Variants in CCNDBP1 observed in about 807,000 individuals in gnomAD.
CCNDBP1 encodes cyclin D1 binding protein 1.
CCNDBP1 carries 45 observed loss-of-function variants against 46.2 expected under a neutral mutation model. The observed-to-expected ratio is 0.97, with a 90% CI of 0.77 to 1.25. CCNDBP1 has a LOEUF of 1.25. Among genes scored for constraint, CCNDBP1 ranks in the 50% most tolerant of loss-of-function variants. The pLI, the probability that CCNDBP1 is intolerant of heterozygous loss-of-function variation, is 0.00. For synonymous variants in CCNDBP1, 154 were observed against 163.6 expected (o/e 0.94, Z 0.45); for missense variants, 436 against 442.1 (o/e 0.99, Z 0.12).
At chr15:43,194,054 T>C in intron 9 of CCNDBP1, 1 of 335,018 alleles carries the variant, frequency 3.0e-6, no homozygotes, top group Non-Finnish European at 5.6e-6. Flanking sequence ...CGCTTTTTTT[T>C]TTTTTTTTTT....
rs553580443 is a variant in CCNDBP1 at position 43,194,926 on chromosome 15, T to A, written c.*85T>A. The stretch of plus-strand genomic sequence containing the variant: ...TGCTTTTAAAATGGAGCTAGAATGC[T>A]TGCTGGATTGAAAGGGAGTGCCTAT... On this transcript the variant is annotated 3_prime_UTR_variant, in exon 11 of 11. Transcript: ENST00000300213. 3.0e-5 allele frequency: 25 copies of A among 832,336 alleles called. No homozygotes were observed. The African/African-American group carries it at 3.8e-4, about 13-fold the overall frequency. The allele number at this position is 832,336 out of a possible 1,614,324, so 51.6% of individuals were successfully genotyped here.
At chr15:43,192,157 A>G (rs551590532) in intron 8 of CCNDBP1, among the ~76,000 whole-genome samples, 19 of 152,340 alleles carry the variant, frequency 1.2e-4, no homozygotes, top group African/African-American at 4.6e-4. Flanking sequence ...CTTGAAATCT[A>G]GAACAGTTCC....
Position 43,191,607 on chromosome 15 carries a change from G to A in CCNDBP1, c.792G>A (p.Glu264=), listed in dbSNP as rs1247247765. 2 of 1,613,404 alleles carry A rather than the reference G, an allele frequency of 1.2e-6. No individual in the cohort carries two copies. The highest frequency in any genetic ancestry group is 1.7e-6 in the Non-Finnish European group (2 of 1,180,020). The change falls in exon 8 of 11, where the codon GAG becomes GAA. Residue 264 remains glutamate, a synonymous_variant. Transcript: ENST00000300213. The part of the protein sequence containing the change: ...CLKKIRMLVA[E]NGKKDQVAQL... Reference sequence around the variant, plus strand: ...AGAAAATTCGGATGTTAGTGGCAGAGAATGGGAAGAAGGATCAGGTGGCAC... The same window carrying A: ...AGAAAATTCGGATGTTAGTGGCAGAAAATGGGAAGAAGGATCAGGTGGCAC...
Position 43,185,468 on chromosome 15 carries a change from C to A in CCNDBP1, c.-31C>A, listed in dbSNP as rs761199562. On this transcript the variant is annotated 5_prime_UTR_variant, in exon 1 of 11. The change creates a new upstream start codon in the 5' untranslated region. Transcript: ENST00000300213. Reference sequence around the variant, plus strand: ...CGGCTCCGGCAGTGGCAGCGGAGGCCTGTGTTTGCGGCCTTCGGCAAGCGA... The same window carrying A: ...CGGCTCCGGCAGTGGCAGCGGAGGCATGTGTTTGCGGCCTTCGGCAAGCGA... 1 of 1,524,124 alleles carries A rather than the reference C, an allele frequency of 6.6e-7. No individual in the cohort carries two copies. Among genetic ancestry groups the A allele is most frequent in the Non-Finnish European group, 8.9e-7 (1 of 1,126,400 alleles). The allele number at this position is 1,524,124 out of a possible 1,614,324, so 94.4% of individuals were successfully genotyped here. A position where few individuals can be genotyped will look rare whatever the true frequency, so the allele number is the denominator to read the frequency against.
intron 3 of CCNDBP1, 94 bp from the exon 4 acceptor site, chr15:43,189,105 G>GAAAGAAAAAAAAAAAAAAAAA: frequency 4.2e-6 from 1 of 237,158 alleles, no homozygotes; most frequent in Non-Finnish European, 7.7e-6. Context: ...AAAAAAAAAA[G>GAAAGAAAAAAAAAAAAAAAAA]AAAAAGAAAG....
At chr15:43,190,276 A>G in intron 5 of CCNDBP1, 49 bp from the exon 6 acceptor site, 1 of 1,602,512 alleles carries the variant, frequency 6.2e-7, no homozygotes, top group Non-Finnish European at 8.5e-7. Flanking sequence ...GCTTTTTAGG[A>G]GACAGGAACC....
At chr15:43,189,347 CT>C in intron 4 of CCNDBP1, 67 bp downstream of exon 4, 2 of 942,302 alleles carry the variant, frequency 2.1e-6, no homozygotes, top group Non-Finnish European at 3.2e-6. Flanking sequence ...TGTCTTGTGA[CT>C]TTTACCTTTA....
At chr15:43,187,602 A>G (rs1250506405) in intron 3 of CCNDBP1, among the ~76,000 whole-genome samples, 1 of 152,104 alleles carries the variant, frequency 6.6e-6, no homozygotes, top group African/African-American at 2.4e-5. Context: ...GAAACAAGAG[A>G]TGAATTGTAT....
chr15:43,189,932 A>G, intron 4 of CCNDBP1, 123 bp from the exon 5 acceptor site: 1 of 746,148 alleles, frequency 1.3e-6, no homozygotes, highest in Non-Finnish European at 2.2e-6. Flanking sequence ...GTTTTGTGTT[A>G]GCATGTAGGT....
intron 2 of CCNDBP1, 36 bp from the exon 3 acceptor site, chr15:43,186,118 G>A (rs774605187): frequency 3.8e-6 from 6 of 1,582,606 alleles, no homozygotes; most frequent in Non-Finnish European, 5.2e-6. Flanking sequence ...CAGCACTAAC[G>A]TATTGGCACC....
intron 1 of CCNDBP1, 54 bp from the exon 2 acceptor site, chr15:43,185,766 T>G: frequency 1.9e-6 from 3 of 1,578,696 alleles, no homozygotes; most frequent in Non-Finnish European, 2.6e-6. Flanking sequence ...TGGCTCCGCT[T>G]ACCTCAGCTT....
In CCNDBP1 at chr15:43,191,576, G is replaced by T. The variant is rs771975128; in HGVS notation, c.761G>T (p.Cys254Phe). ...CLALVRASKA[C>F]LKKIRMLVAE... ...GCGCTGGTGAGAGCATCCAAAGCCT[G>T]CCTGAAGAAAATTCGGATGTTAGTG... is the stretch of plus-strand genomic sequence containing the variant. Residue 254 changes from cysteine to phenylalanine, a missense_variant, in exon 8 of 11, where the codon TGC (cysteine) becomes TTC (phenylalanine). Cys to Phe is a radical substitution (Grantham distance 205, BLOSUM62 -2). Coordinates refer to ENST00000300213, the MANE Select transcript of CCNDBP1 (RefSeq NM_012142.5). The T allele has an allele frequency of 1.2e-6, 2 of 1,614,026 alleles. No homozygotes were observed. Among genetic ancestry groups the T allele is most frequent in the South Asian group, 2.2e-5 (2 of 91,074 alleles).
At chr15:43,191,824 A>G in intron 8 of CCNDBP1, 149 bp downstream of exon 8, 1 of 781,450 alleles carries the variant, frequency 1.3e-6, no homozygotes, top group East Asian at 2.7e-5. Flanking sequence ...GAACACCCCT[A>G]TATCCTTCTA....
Position 43,190,941 on chromosome 15 carries a change from A to G in CCNDBP1, c.503-25A>G, listed in dbSNP as rs374422093. ...ATTGTTGGATTTCTCCTCTAATTCTAGTGCTTCTGATTTTTCACTCATAGA... is the reference window on the plus strand; with the variant it reads ...ATTGTTGGATTTCTCCTCTAATTCTGGTGCTTCTGATTTTTCACTCATAGA... On this transcript the variant is annotated intron_variant, in intron 6 of 10. Transcript: ENST00000300213. 4.0e-5 allele frequency: 64 copies of G among 1,580,876 alleles called. No individual in the cohort carries two copies. The African/African-American group carries it at 6.5e-4, about 16-fold the overall frequency.
rs149102527 is a variant in CCNDBP1, at chr15:43,191,501, A to G, written c.686A>G (p.Gln229Arg). ...EDDVLGFPSN[Q>R]DLYWSEDDQE... The stretch of plus-strand genomic sequence containing the variant: ...GATGTGTTGGGGTTTCCCAGCAATC[A>G]GGACTTGTATTGGTCAGAGGACGAT... The change falls in exon 8 of 11, where the codon CAG (glutamine) becomes CGG (arginine). Residue 229 changes from glutamine (Q) to arginine (R), a missense_variant. Physicochemically the swap from Gln to Arg is conservative, Grantham distance 43. Coordinates refer to ENST00000300213, the MANE Select transcript of CCNDBP1 (RefSeq NM_012142.5). 5.0e-5 allele frequency: 81 copies of G among 1,614,038 alleles called. No individual in the cohort carries two copies. The highest frequency in any genetic ancestry group is 6.8e-5 in the Non-Finnish European group (80 of 1,180,030).
At position 43,189,101 on chromosome 15, in the gene CCNDBP1, A is replaced by AAAAAAAAAAAAAAAAAAAAAAAAG. The variant is rs756151109; in HGVS notation, c.250-95_250-94insAAAAAAAAAAAAAAAAAAAAGAAA. On this transcript the variant is annotated intron_variant, in intron 3 of 10. Coordinates refer to ENST00000300213, the MANE Select transcript of CCNDBP1 (RefSeq NM_012142.5). ...TCAAAAAAAAAAAAAAAAAAAAAAA[A>AAAAAAAAAAAAAAAAAAAAAAAAG]AAAGAAAAAGAAAGAAAAGAAAAAG... 3.8e-5 allele frequency: 6 copies of AAAAAAAAAAAAAAAAAAAAAAAAG among 159,516 alleles called. 1 individual carries two copies. Among genetic ancestry groups the AAAAAAAAAAAAAAAAAAAAAAAAG allele is most frequent in the Non-Finnish European group, 5.8e-5 (5 of 85,980 alleles). The allele number at this position is 159,516 out of a possible 1,614,324, so 9.9% of individuals were successfully genotyped here. A position where few individuals can be genotyped will look rare whatever the true frequency, so the allele number is the denominator to read the frequency against.
Position 43,189,264 on chromosome 15 carries a change from G to T in CCNDBP1, c.315G>T (p.Leu105Phe), listed in dbSNP as rs2041910462. 6.2e-7 allele frequency: 1 copy of T among 1,605,946 alleles called. No individual in the cohort carries two copies. Among genetic ancestry groups the T allele is most frequent in the Non-Finnish European group, 8.5e-7 (1 of 1,174,006 alleles). Residue 105 changes from leucine to phenylalanine, a missense_variant, in exon 4 of 11, where the codon TTG (leucine) becomes TTT (phenylalanine). By Grantham distance (22) the Leu-to-Phe change is conservative (BLOSUM62 0). Transcript: ENST00000300213. ...AGGCATTTATTGCAGTGTACTATTTGCTTCCAAAGGATCAGGGTAAGCCAC... is the reference window on the plus strand; with the variant it reads ...AGGCATTTATTGCAGTGTACTATTTTCTTCCAAAGGATCAGGGTAAGCCAC... The part of the protein sequence containing the change: ...AIKAFIAVYY[L>F]LPKDQGITLR...
rs1308530223 is a variant in CCNDBP1, at chr15:43,186,156, G to A, written c.172G>A (p.Glu58Lys). 1.2e-6 allele frequency: 2 copies of A among 1,614,042 alleles called. No individual in the cohort carries two copies. The highest frequency in any genetic ancestry group is 1.7e-5 in the Admixed American group (1 of 60,022). ...NREMFWRRLN[E>K]AAVTVSREAT... ...CCTCCTCTTCGGCCACCCCCCAGAT[G>A]AGGCAGCTGTGACTGTGTCAAGGGA... Residue 58 changes from glutamate (E) to lysine (K), a missense_variant and splice_region_variant, in exon 3 of 11, where the codon GAG (glutamate) becomes AAG (lysine). By Grantham distance (56) the Glu-to-Lys change is moderately conservative. Transcript: ENST00000300213.
At chr15:43,189,952 TG>T in intron 4 of CCNDBP1, 102 bp from the exon 5 acceptor site, 1 of 913,838 alleles carries the variant, frequency 1.1e-6, no homozygotes, top group Non-Finnish European at 1.7e-6. Context: ...TTAAAGCATG[TG>T]GGTGTACATT....
Sources: allele counts gnomAD v4.1 joint callset (sites outside exome capture counted in the v4.1 genomes callset), GRCh38; gene constraint gnomAD v4.1.1; transcripts MANE v1.5; gene names NCBI Gene and HGNC (gene_info 2026-07-23, HGNC 2026-07-21).